The following CACNA1C variants were observed in gnomAD, a reference collection of about 807,000 sequenced individuals.
CACNA1C encodes voltage-dependent L-type calcium channel subunit alpha-1C.
In CACNA1C, 30 loss-of-function variants were observed where a neutral mutation model predicts 229.0. The ratio of observed to expected loss-of-function variants is 0.13; its 90% CI spans 0.10 to 0.18. CACNA1C has a LOEUF of 0.18. Among genes scored for constraint, CACNA1C ranks in the 10% least tolerant of loss-of-function variants. The probability of loss-of-function intolerance (pLI) is 1.00; values close to 1 mark genes in which losing one functional copy is unlikely to be tolerated. For missense variants in CACNA1C, 1,658 were observed against 2,845.0 expected (o/e 0.58, Z 9.49); for synonymous variants, 1,114 against 1,132.5 (o/e 0.98, Z 0.33).
chr12:2,129,755 C>T (rs1434962277), intron 3 of CACNA1C, among the ~76,000 whole-genome samples: 1 of 152,162 alleles, frequency 6.6e-6, no homozygotes, highest in Non-Finnish European at 1.5e-5. Flanking sequence ...GGTCCCGGAA[C>T]GTCCTGACCT....
chr12:2,627,509 A>C (rs1441316687), intron 29 of CACNA1C, among the ~76,000 whole-genome samples: 1 of 151,996 alleles, frequency 6.6e-6, no homozygotes, highest in Non-Finnish European at 1.5e-5. Context: ...TGGGACCCAG[A>C]AAAGATCAGT....
rs371708501 is a variant in CACNA1C, at chr12:2,419,837, G to A, written c.478-29139G>A. 1.2e-4 allele frequency among the ~76,000 whole-genome samples: 19 copies of A among 152,282 alleles called. No individual in the cohort carries two copies. In the East Asian group the frequency reaches 2.3e-3, roughly 19 times the overall value. ...CTCTGCAATCCAACCTCAACCACAC[G>A]GGAGAGAGGGCAGCCAGTGCTGAGG... On this transcript the variant is annotated intron_variant, in intron 3 of 46. Transcript: ENST00000399655.
intron 3 of CACNA1C, among the ~76,000 whole-genome samples, chr12:2,182,612 ACT>A (rs2096875823): frequency 6.6e-6 from 1 of 150,742 alleles, no homozygotes; most frequent in South Asian, 2.1e-4. Context: ...TTACCCCTAC[ACT>A]CTCTCCTTTC....
chr12:2,667,317 A>ACTCTGTGCTCC (rs1556002384), intron 37 of CACNA1C, among the ~76,000 whole-genome samples: 1 of 151,756 alleles, frequency 6.6e-6, no homozygotes, highest in African/African-American at 2.4e-5. Context: ...CACCGTGGCC[A>ACTCTGTGCTCC]TTCCGTGCTC....
chr12:2,384,215 C>T (rs766300780), intron 3 of CACNA1C, among the ~76,000 whole-genome samples: 1 of 152,342 alleles, frequency 6.6e-6, no homozygotes, highest in Admixed American at 6.5e-5. Context: ...CGGAGAATCG[C>T]GGGTTACTGT....
intron 3 of CACNA1C, among the ~76,000 whole-genome samples, chr12:2,138,943 T>C (rs1441810983): frequency 6.6e-6 from 1 of 150,560 alleles, no homozygotes; most frequent in African/African-American, 2.4e-5. Context: ...CTGCCCTCTG[T>C]GTTTCCATAG....
chr12:2,054,526 A>G lies in CACNA1C; in HGVS notation c.49+915A>G, dbSNP rs2053836551. 6.6e-6 allele frequency among the ~76,000 whole-genome samples: 1 copy of G among 152,158 alleles called. No homozygotes were observed. Among genetic ancestry groups the G allele is most frequent in the Admixed American group, 6.5e-5 (1 of 15,278 alleles). On this transcript the variant is annotated intron_variant, in intron 1 of 46. Transcript: ENST00000399655. This position sits in a 1 kb window ranked among gnomAD's most constrained non-coding sequence, Gnocchi z 5.5. ...CACCAGCTCCCCCTGTGATGGTGAA[A>G]GGCAGTCAGGTAACTCCCTACTTCC...
chr12:2,463,399 T>G (rs1258439354), intron 5 of CACNA1C, among the ~76,000 whole-genome samples: 1 of 152,142 alleles, frequency 6.6e-6, no homozygotes, highest in Non-Finnish European at 1.5e-5. Flanking sequence ...CAGAAGTGAG[T>G]CAGATGCTAA....
intron 11 of CACNA1C, among the ~76,000 whole-genome samples, chr12:2,565,012 T>C (rs879553556): frequency 2.6e-5 from 4 of 152,156 alleles, no homozygotes; most frequent in Non-Finnish European, 4.4e-5. Context: ...TTATTAACCA[T>C]GTCGTCTACT....
intron 7 of CACNA1C, among the ~76,000 whole-genome samples, chr12:2,498,793 C>T (rs565026705): frequency 6.6e-6 from 1 of 152,326 alleles, no homozygotes; most frequent in South Asian, 2.1e-4. Flanking sequence ...GTTTGGGAGG[C>T]CGCAGAGACC....
chr12:2,101,672 G>T (rs753551411), intron 1 of CACNA1C, among the ~76,000 whole-genome samples: 1 of 152,158 alleles, frequency 6.6e-6, no homozygotes, highest in Non-Finnish European at 1.5e-5. Flanking sequence ...AGCAGGTCCT[G>T]CCGGTTCCCA....
At chr12:2,394,508 G>A (rs1369289191) in intron 3 of CACNA1C, among the ~76,000 whole-genome samples, 1 of 152,136 alleles carries the variant, frequency 6.6e-6, no homozygotes, top group African/African-American at 2.4e-5. Flanking sequence ...TGGAGAGAAT[G>A]GCCACCTTCT....
At chr12:2,435,094 C>G (rs560363729) in intron 3 of CACNA1C, among the ~76,000 whole-genome samples, 235 of 152,278 alleles carry the variant, frequency 1.5e-3, no homozygotes, top group African/African-American at 5.3e-3. Flanking sequence ...AGGCTTTCCC[C>G]CACCGTGCAG....
chr12:2,099,955 A>G (rs937941340), intron 1 of CACNA1C, among the ~76,000 whole-genome samples: 2 of 152,240 alleles, frequency 1.3e-5, no homozygotes, highest in Non-Finnish European at 2.9e-5. Flanking sequence ...AAGCTGAGGC[A>G]CAGAGAGGCT....
intron 3 of CACNA1C, among the ~76,000 whole-genome samples, chr12:2,178,921 T>C (rs1317816395): frequency 6.6e-6 from 1 of 152,022 alleles, no homozygotes; most frequent in Non-Finnish European, 1.5e-5. Context: ...AATTAGCTAG[T>C]TGAGGTGACA....
intron 34 of CACNA1C, among the ~76,000 whole-genome samples, 193 bp from the exon 35 acceptor site, chr12:2,664,632 A>G (rs1446683708): frequency 1.3e-5 from 2 of 152,240 alleles, no homozygotes; most frequent in African/African-American, 4.8e-5. Flanking sequence ...TACTGTTTAT[A>G]TAAAATTTTA....
At chr12:2,353,477 A>C (rs1224708007) in intron 3 of CACNA1C, among the ~76,000 whole-genome samples, 1 of 152,236 alleles carries the variant, frequency 6.6e-6, no homozygotes, top group Non-Finnish European at 1.5e-5. Context: ...GCTGGGAAGA[A>C]GAGCACTTAG....
At position 1,993,205 on chromosome 12, in the gene CACNA1C, T is replaced by C; in HGVS notation, c.139+22004T>C. On this transcript the variant is annotated intron_variant, in intron 1 of 46. Coordinates refer to the CACNA1C transcript ENST00000682462. ...AACACAATGGCAAACACTGTACAATTTTAAACACTTGGCCAAACTTCAGAA... is the reference window on the plus strand; with the variant it reads ...AACACAATGGCAAACACTGTACAATCTTAAACACTTGGCCAAACTTCAGAA... 1 of 1,612,546 alleles carries C rather than the reference T, an allele frequency of 6.2e-7. No individual in the cohort carries two copies. Among genetic ancestry groups the C allele is most frequent in the Non-Finnish European group, 8.5e-7 (1 of 1,178,676 alleles).
chr12:2,131,979 C>A (rs879458889), intron 3 of CACNA1C, among the ~76,000 whole-genome samples: 4,338 of 139,004 alleles, frequency 0.031, 142 homozygotes, highest in African/African-American at 0.096. Flanking sequence ...CTTTTATTTC[C>A]TTGAGCAGTG....
Sources: allele counts gnomAD v4.1 joint callset (sites outside exome capture counted in the v4.1 genomes callset), GRCh38; gene constraint gnomAD v4.1.1; non-coding constraint Gnocchi (gnomAD v3.1); transcripts MANE v1.5; gene names NCBI Gene and HGNC (gene_info 2026-07-23, HGNC 2026-07-21).